The following HMGB1 variants were observed in gnomAD, a reference collection of about 807,000 sequenced individuals.
HMGB1 encodes high mobility group protein B1.
For synonymous variants in HMGB1, 81 were observed against 84.0 expected, an observed-to-expected ratio of 0.96 and a Z score of 0.19; for missense variants, 79 against 253.5, an observed-to-expected ratio of 0.31 and a Z score of 4.67.
chr13:30,604,824 A>T (rs11842308), intron 1 of HMGB1, among the ~76,000 whole-genome samples: 19 of 151,890 alleles, frequency 1.3e-4, no homozygotes, highest in African/African-American at 4.4e-4. Flanking sequence ...CACCCAGCTA[A>T]TTTTTTTGTA....
At chr13:30,497,443 C>G (rs1887634282) in intron 1 of HMGB1, among the ~76,000 whole-genome samples, 1 of 21,094 alleles carries the variant, frequency 4.7e-5, no homozygotes, top group Non-Finnish European at 1.7e-4. Context: ...GTTGGCCAGG[C>G]TGTTTTTTTT....
intron 1 of HMGB1, among the ~76,000 whole-genome samples, chr13:30,482,981 G>T (rs1057484668): frequency 2.0e-5 from 3 of 151,162 alleles, no homozygotes; most frequent in East Asian, 1.9e-4. Context: ...TAGAGACAGG[G>T]TATAGCTATA....
upstream of HMGB1, among the ~76,000 whole-genome samples, chr13:30,467,535 G>T (rs1232817624): frequency 3.3e-5 from 5 of 152,080 alleles, no homozygotes; most frequent in African/African-American, 4.8e-5. Context: ...TATTAAAGAG[G>T]ATATAAATTG....
At chr13:30,508,591 T>C (rs1222084943) in intron 1 of HMGB1, among the ~76,000 whole-genome samples, 2 of 152,182 alleles carry the variant, frequency 1.3e-5, no homozygotes, top group African/African-American at 4.8e-5. Flanking sequence ...TGTTTGATCC[T>C]TGTACTCAGT....
At chr13:30,462,291 A>C in intron 4 of HMGB1, 1 of 503,274 alleles carries the variant, frequency 2.0e-6, no homozygotes, top group Non-Finnish European at 3.6e-6. Context: ...ATTTTCATGA[A>C]CTTCAAGATA....
At chr13:30,535,380 A>T (rs1242666948) in intron 1 of HMGB1, among the ~76,000 whole-genome samples, 1 of 152,202 alleles carries the variant, frequency 6.6e-6, no homozygotes, top group Non-Finnish European at 1.5e-5. Context: ...TTGGGGAAAA[A>T]ACTGTGTTTG....
chr13:30,534,875 C>T (rs992032172), intron 1 of HMGB1, among the ~76,000 whole-genome samples: 1 of 152,156 alleles, frequency 6.6e-6, no homozygotes, highest in African/African-American at 2.4e-5. Flanking sequence ...CCATGCCCAG[C>T]CAGTTCAAGC....
At chr13:30,518,921 T>C (rs1888162554) in intron 1 of HMGB1, among the ~76,000 whole-genome samples, 1 of 151,768 alleles carries the variant, frequency 6.6e-6, no homozygotes, top group Non-Finnish European at 1.5e-5. Flanking sequence ...ATTTTTATTT[T>C]TGTAGAGATG....
intron 1 of HMGB1, among the ~76,000 whole-genome samples, chr13:30,538,511 C>CTTTCTTTCTT (rs1868599818): frequency 7.5e-5 from 6 of 80,444 alleles, no homozygotes; most frequent in African/African-American, 6.5e-4. Flanking sequence ...TCTTTCTTTC[C>CTTTCTTTCTT]TTTCTTTCTT....
chr13:30,572,002 C>T (rs971091051), intron 1 of HMGB1, among the ~76,000 whole-genome samples: 1 of 152,088 alleles, frequency 6.6e-6, no homozygotes, highest in African/African-American at 2.4e-5. Context: ...TTGATATATA[C>T]CTGAATAGCA....
At chr13:30,583,660 GA>G (rs1197163534) in intron 1 of HMGB1, among the ~76,000 whole-genome samples, 1 of 151,188 alleles carries the variant, frequency 6.6e-6, no homozygotes, top group African/African-American at 2.4e-5. Flanking sequence ...CCAACATGGT[GA>G]AACCCCATCT....
At chr13:30,607,379 T>C (rs1483201617) in intron 1 of HMGB1, among the ~76,000 whole-genome samples, 1 of 151,628 alleles carries the variant, frequency 6.6e-6, no homozygotes, top group East Asian at 1.9e-4. Context: ...TCCCCCTTGC[T>C]GTTCTTGTGA....
intron 1 of HMGB1, among the ~76,000 whole-genome samples, chr13:30,612,144 G>C (rs1436406153): frequency 6.6e-6 from 1 of 151,420 alleles, no homozygotes; most frequent in African/African-American, 2.4e-5. Context: ...AAATATATGT[G>C]TATGTGTGTG....
intron 1 of HMGB1, among the ~76,000 whole-genome samples, chr13:30,479,832 T>C (rs530801227): frequency 2.6e-5 from 4 of 152,242 alleles, no homozygotes; most frequent in African/African-American, 9.6e-5. Context: ...TGTTGGATGT[T>C]ATTATAATTT....
At chr13:30,519,407 GT>G (rs1354938696) in intron 1 of HMGB1, among the ~76,000 whole-genome samples, 1 of 135,098 alleles carries the variant, frequency 7.4e-6, no homozygotes, top group Non-Finnish European at 1.6e-5. Flanking sequence ...AAAAAAAAAA[GT>G]AAAAAGGCCG....
rs1278228474 is a variant in HMGB1 at position 30,559,260 on chromosome 13, T to C, written c.-15+57411A>G. Reference sequence around the variant, plus strand: ...GCCTCACTCCAAGGCCAGTGCTTCCTGTGCTTCTAGAGTGGCTAGGGAAGC... The same window carrying C: ...GCCTCACTCCAAGGCCAGTGCTTCCCGTGCTTCTAGAGTGGCTAGGGAAGC... On this transcript the variant is annotated intron_variant, in intron 1 of 4. Transcript: ENST00000405805. This position sits in a 1 kb window ranked among gnomAD's most constrained non-coding sequence, Gnocchi z 6.6. Among the ~76,000 whole-genome samples, 7 of 152,152 alleles carry C rather than the reference T, an allele frequency of 4.6e-5. No individual in the cohort carries two copies. Among genetic ancestry groups the C allele is most frequent in the Non-Finnish European group, 8.8e-5 (6 of 68,018 alleles).
intron 1 of HMGB1, among the ~76,000 whole-genome samples, chr13:30,478,324 A>T (rs1451218865): frequency 6.6e-6 from 1 of 152,204 alleles, no homozygotes; most frequent in Non-Finnish European, 1.5e-5. Context: ...CAGCCTGGGG[A>T]CAGAGTGAGA....
At position 30,461,266 on chromosome 13, in the gene HMGB1, A is replaced by G; in HGVS notation, c.*91T>C. ...AAAAACAAATCTTACACAGCCTTAC[A>G]TTTCAATTTTTTTCTTTAAAAGGAG... On this transcript the variant is annotated 3_prime_UTR_variant, in exon 5 of 5. Coordinates refer to ENST00000341423, the MANE Select transcript of HMGB1 (RefSeq NM_002128.7). The G allele has an allele frequency of 6.6e-7, 1 of 1,504,250 alleles. No homozygotes were observed. The allele number at this position is 1,504,250 out of a possible 1,614,324, so 93.2% of individuals were successfully genotyped here. A position where few individuals can be genotyped will look rare whatever the true frequency, so the allele number is the denominator to read the frequency against.
At chr13:30,478,850 T>C (rs902610187) in intron 1 of HMGB1, among the ~76,000 whole-genome samples, 4 of 142,444 alleles carry the variant, frequency 2.8e-5, no homozygotes, top group African/African-American at 1.0e-4. Flanking sequence ...TCCCAATTTC[T>C]TTTTTCTTTT....
Sources: allele counts gnomAD v4.1 joint callset (sites outside exome capture counted in the v4.1 genomes callset), GRCh38; gene constraint gnomAD v4.1.1; non-coding constraint Gnocchi (gnomAD v3.1); transcripts MANE v1.5; gene names NCBI Gene and HGNC (gene_info 2026-07-23, HGNC 2026-07-21).